C14orf132: variants seen among roughly 807,000 people sequenced by gnomAD.
The protein encoded by C14orf132 is chromosome 14 open reading frame 132, also known as uncharacterized protein C14orf132.
A neutral mutation model predicts 5.8 loss-of-function variants in C14orf132; 6 were observed. That is an observed-to-expected ratio of 1.03 (90% CI 0.57 to 2.04). C14orf132 has a LOEUF of 2.04. Among genes scored for constraint, C14orf132 ranks in the 30% most tolerant of loss-of-function variants. The probability of loss-of-function intolerance (pLI) is 0.00; values close to 1 mark genes in which losing one functional copy is unlikely to be tolerated. For synonymous variants in C14orf132, 51 were observed against 49.8 expected, an observed-to-expected ratio of 1.02 and a Z score of -0.10; for missense variants, 125 against 115.8, an observed-to-expected ratio of 1.08 and a Z score of -0.37.
chr14:96,090,522 G>A lies in C14orf132; in HGVS notation c.*3787G>A, dbSNP rs1352089100. 2.3e-6 allele frequency: 1 copy of A among 438,488 alleles called. No individual in the cohort carries two copies. Among genetic ancestry groups the A allele is most frequent in the Admixed American group, 2.4e-5 (1 of 41,262 alleles). 27.2% of individuals were successfully genotyped at this position (438,488 alleles called of 1,614,324 possible). ...AGCCAGGCCTGTCTTAAGAGGACTT[G>A]TGCTTCCAGGGACCCAGGCAGGATG... On this transcript the variant is annotated 3_prime_UTR_variant, in exon 2 of 2. Coordinates refer to ENST00000555004, the MANE Select transcript of C14orf132 (RefSeq NM_001252507.3).
chr14:96,093,719 C>G lies in C14orf132; in HGVS notation c.*6984C>G, dbSNP rs1299993348. 6.6e-6 allele frequency: 1 copy of G among 152,234 alleles called. No individual in the cohort carries two copies. Among genetic ancestry groups the G allele is most frequent in the Non-Finnish European group, 1.5e-5 (1 of 68,042 alleles). The allele number at this position is 152,234 out of a possible 1,614,324, so 9.4% of individuals were successfully genotyped here. On this transcript the variant is annotated 3_prime_UTR_variant, in exon 2 of 2. Transcript: ENST00000555004. Reference sequence around the variant, plus strand: ...GGTTTCACCATGCGATCACTGACTTCTCTACAGTGAAGACTCTTTCTTAAT... The same window carrying G: ...GGTTTCACCATGCGATCACTGACTTGTCTACAGTGAAGACTCTTTCTTAAT...
intron 1 of C14orf132, among the ~76,000 whole-genome samples, chr14:96,066,502 GA>G (rs1887532167): frequency 6.6e-6 from 1 of 152,134 alleles, no homozygotes; most frequent in Non-Finnish European, 1.5e-5. Context: ...CGGACACACA[GA>G]AAATAGAGCC....
chr14:96,073,854 G>T (rs1887782638), intron 1 of C14orf132, among the ~76,000 whole-genome samples: 1 of 152,174 alleles, frequency 6.6e-6, no homozygotes, highest in South Asian at 2.1e-4. Flanking sequence ...ATACTACACA[G>T]CCATAAAAAG....
At chr14:96,054,016 G>A (rs1207121883) in intron 1 of C14orf132, among the ~76,000 whole-genome samples, 1 of 152,156 alleles carries the variant, frequency 6.6e-6, no homozygotes, top group Admixed American at 6.5e-5. Context: ...CTGGTGGAAG[G>A]CCTTAATAAA....
rs1459741473 is a variant in C14orf132 at position 96,071,693 on chromosome 14, T to C, written c.28-14818T>C. Among the ~76,000 whole-genome samples, 6 of 152,182 alleles carry C rather than the reference T, an allele frequency of 3.9e-5. No homozygotes were observed. The East Asian group carries it at 1.2e-3, about 29-fold the overall frequency. On this transcript the variant is annotated intron_variant, in intron 1 of 1. Transcript: ENST00000555004. ...CCTAGCCTGTTGCCACCCTGAGGGATGGTGCCACTCAACCTCGGGAAGCTG... is the reference window on the plus strand; with the variant it reads ...CCTAGCCTGTTGCCACCCTGAGGGACGGTGCCACTCAACCTCGGGAAGCTG...
At position 96,090,844 on chromosome 14, in the gene C14orf132, A is replaced by T. The variant is rs1178561709; in HGVS notation, c.*4109A>T. 2.2e-6 allele frequency: 1 copy of T among 456,080 alleles called. No individual in the cohort carries two copies. The highest frequency in any genetic ancestry group is 1.5e-5 in the South Asian group (1 of 64,558). 28.3% of individuals were successfully genotyped at this position (456,080 alleles called of 1,614,324 possible). A position where few individuals can be genotyped will look rare whatever the true frequency, so the allele number is the denominator to read the frequency against. On this transcript the variant is annotated 3_prime_UTR_variant, in exon 2 of 2. Transcript: ENST00000555004. ...CCTGGAGACCGAAGAGGCTCAGTGG[A>T]GTCTGTCTGTTGTCAGCACTGCTGC...
chr14:96,045,376 G>C (rs913173052), intron 1 of C14orf132, among the ~76,000 whole-genome samples: 5 of 152,220 alleles, frequency 3.3e-5, no homozygotes, highest in Admixed American at 2.6e-4. Flanking sequence ...ACAAAGGCAA[G>C]AAGGCTTGAA....
intron 1 of C14orf132, among the ~76,000 whole-genome samples, chr14:96,072,192 C>T (rs548503708): frequency 6.6e-6 from 1 of 152,372 alleles, no homozygotes; most frequent in African/African-American, 2.4e-5. Context: ...TTCTGCAGGC[C>T]TGTCGAAACA....
chr14:96,055,945 C>T (rs558516787), intron 1 of C14orf132, among the ~76,000 whole-genome samples: 1 of 152,322 alleles, frequency 6.6e-6, no homozygotes, highest in Non-Finnish European at 1.5e-5. Context: ...CACCTAGGCT[C>T]TGGGACTGGG....
chr14:96,057,311 A>G lies in C14orf132; in HGVS notation c.27+17784A>G, dbSNP rs542169063. Among the ~76,000 whole-genome samples, 10 of 152,356 alleles carry G rather than the reference A, an allele frequency of 6.6e-5. No homozygotes were observed. In the South Asian group the frequency reaches 2.1e-3, roughly 32 times the overall value. On this transcript the variant is annotated intron_variant, in intron 1 of 1. Coordinates refer to ENST00000555004, the MANE Select transcript of C14orf132 (RefSeq NM_001252507.3). ...CCTCACTCCAGAGGGTGCAGCAGCA[A>G]GGCACAAAAGCAGAGAGCAGAGAAG...
intron 1 of C14orf132, among the ~76,000 whole-genome samples, chr14:96,077,289 G>C (rs1378807564): frequency 6.6e-6 from 1 of 152,164 alleles, no homozygotes; most frequent in Non-Finnish European, 1.5e-5. Flanking sequence ...TATGTTGTGA[G>C]ATGCTGGGGG....
chr14:96,055,483 C>T (rs999979583), intron 1 of C14orf132, among the ~76,000 whole-genome samples: 2 of 152,142 alleles, frequency 1.3e-5, no homozygotes, highest in East Asian at 1.9e-4. Flanking sequence ...GCACACAGAA[C>T]AGGATTCTAT....
intron 1 of C14orf132, among the ~76,000 whole-genome samples, chr14:96,062,780 G>A (rs1424311824): frequency 1.3e-5 from 2 of 152,140 alleles, no homozygotes; most frequent in Non-Finnish European, 2.9e-5. Flanking sequence ...TCACTCCTGG[G>A]CTGCCAGGTA....
Position 96,088,116 on chromosome 14 carries a change from A to G in C14orf132, c.*1381A>G, listed in dbSNP as rs1265899548. The G allele has an allele frequency of 6.6e-6, 1 of 152,166 alleles. No individual in the cohort carries two copies. The highest frequency in any genetic ancestry group is 2.4e-5 in the African/African-American group (1 of 41,426). 9.4% of individuals were successfully genotyped at this position (152,166 alleles called of 1,614,324 possible). On this transcript the variant is annotated 3_prime_UTR_variant, in exon 2 of 2. Coordinates refer to ENST00000555004, the MANE Select transcript of C14orf132 (RefSeq NM_001252507.3). ...CAATAACACCCTCTGTAGTGGAGAAACTTAAAAAGCTGGTTAGGAAGCTCT... is the reference window on the plus strand; with the variant it reads ...CAATAACACCCTCTGTAGTGGAGAAGCTTAAAAAGCTGGTTAGGAAGCTCT...
intron 1 of C14orf132, among the ~76,000 whole-genome samples, chr14:96,041,012 C>T (rs1347579979): frequency 6.6e-6 from 1 of 152,192 alleles, no homozygotes; most frequent in African/African-American, 2.4e-5. Context: ...GCCATGGCAA[C>T]TTGACGAAAT....
At chr14:96,062,238 G>A (rs1436795733) in intron 1 of C14orf132, among the ~76,000 whole-genome samples, 1 of 152,066 alleles carries the variant, frequency 6.6e-6, no homozygotes, top group Non-Finnish European at 1.5e-5. Flanking sequence ...CTGCCCACTA[G>A]GGTGTTGAAC....
At chr14:96,074,548 GT>G (rs11311729) in intron 1 of C14orf132, among the ~76,000 whole-genome samples, 74,136 of 145,440 alleles carry the variant, frequency 0.51, 19,045 homozygotes, top group East Asian at 0.89. Context: ...TAAGGCATGA[GT>G]TTTTTTTTTT....
intron 1 of C14orf132, among the ~76,000 whole-genome samples, chr14:96,050,673 A>G (rs1010272024): frequency 1.1e-4 from 16 of 151,582 alleles, no homozygotes; most frequent in African/African-American, 3.2e-4. Context: ...TCTTCAACTC[A>G]GAGAGTCCAT....
intron 1 of C14orf132, among the ~76,000 whole-genome samples, chr14:96,068,421 C>T (rs779684529): frequency 3.9e-5 from 6 of 152,156 alleles, no homozygotes; most frequent in Non-Finnish European, 5.9e-5. Context: ...GCCCGTCCAG[C>T]GGGCACTCAC....
Sources: gnomAD v4.1 joint callset for allele counts (sites outside exome capture counted in the v4.1 genomes callset) on GRCh38, gnomAD v4.1.1 for gene constraint, MANE v1.5 for transcripts, NCBI Gene and HGNC (gene_info 2026-07-23, HGNC 2026-07-21) for gene names.